Variants in TMEM132D observed in about 807,000 individuals in gnomAD.
TMEM132D encodes the protein transmembrane protein 132D, also known as mature OL transmembrane protein.
In TMEM132D, 21 loss-of-function variants were observed where a neutral mutation model predicts 62.3. The observed-to-expected ratio is 0.34, with a 90% CI of 0.24 to 0.49. The LOEUF (loss-of-function observed/expected upper bound fraction) is 0.49. Among genes scored for constraint, TMEM132D ranks in the 20% least tolerant of loss-of-function variants. The probability of loss-of-function intolerance (pLI) is 0.99; values close to 1 mark genes in which losing one functional copy is unlikely to be tolerated. For missense variants in TMEM132D, 1,346 were observed against 1,402.8 expected, an observed-to-expected ratio of 0.96 and a Z score of 0.65; for synonymous variants, 621 against 575.6, an observed-to-expected ratio of 1.08 and a Z score of -1.13.
intron 2 of TMEM132D, among the ~76,000 whole-genome samples, chr12:129,598,598 T>C (rs965666084): frequency 6.6e-6 from 1 of 152,090 alleles, no homozygotes; most frequent in African/African-American, 2.4e-5. Context: ...AGAAACACTA[T>C]AGAACCTAAT....
chr12:129,523,490 G>A (rs959460094), intron 3 of TMEM132D, among the ~76,000 whole-genome samples: 6 of 152,128 alleles, frequency 3.9e-5, no homozygotes. Context: ...AGAAGCAGTC[G>A]GTATTTTAGT....
chr12:129,889,419 T>C (rs747503010), intron 1 of TMEM132D, among the ~76,000 whole-genome samples: 7 of 152,180 alleles, frequency 4.6e-5, no homozygotes, highest in Non-Finnish European at 8.8e-5. Flanking sequence ...CCAGTTGTGC[T>C]GACCTGGACT....
chr12:129,463,277 C>G (rs906066775), intron 3 of TMEM132D, among the ~76,000 whole-genome samples: 21 of 151,756 alleles, frequency 1.4e-4, no homozygotes, highest in Non-Finnish European at 2.8e-4. Context: ...TTTTTTTGAG[C>G]ATTCATGAGT....
At chr12:129,334,447 TC>T (rs1245993539) in intron 4 of TMEM132D, among the ~76,000 whole-genome samples, 1 of 152,110 alleles carries the variant, frequency 6.6e-6, no homozygotes, top group Non-Finnish European at 1.5e-5. Flanking sequence ...ATGACAACAC[TC>T]TTTTACCAAC....
chr12:129,429,763 T>G (rs2135715453), intron 3 of TMEM132D, among the ~76,000 whole-genome samples: 1 of 122,954 alleles, frequency 8.1e-6, no homozygotes, highest in African/African-American at 3.1e-5. Context: ...GGCCCCGGTG[T>G]GTGATGTTCC....
intron 4 of TMEM132D, among the ~76,000 whole-genome samples, chr12:129,330,719 C>A (rs924597764): frequency 2.0e-5 from 3 of 152,218 alleles, no homozygotes; most frequent in African/African-American, 7.2e-5. Flanking sequence ...TCTTCACCAC[C>A]TGTGGCCTCT....
chr12:129,881,894 A>G (rs1051824351), intron 1 of TMEM132D, among the ~76,000 whole-genome samples: 3 of 152,024 alleles, frequency 2.0e-5, no homozygotes, highest in Non-Finnish European at 4.4e-5. Context: ...ACTGACTGAG[A>G]AAAAAAGAGT....
chr12:129,132,307 ATGG>A (rs1313242941), intron 5 of TMEM132D, among the ~76,000 whole-genome samples: 1 of 152,198 alleles, frequency 6.6e-6, no homozygotes, highest in East Asian at 1.9e-4. Flanking sequence ...AAACAAGAAT[ATGG>A]TCCTTAGGCC....
At chr12:129,419,616 A>G (rs1451355398) in intron 3 of TMEM132D, among the ~76,000 whole-genome samples, 2 of 152,196 alleles carry the variant, frequency 1.3e-5, no homozygotes, top group African/African-American at 4.8e-5. Flanking sequence ...TCAGTTGCAT[A>G]AGCTAATAAT....
At chr12:129,759,607 T>C (rs1870285909) in intron 1 of TMEM132D, among the ~76,000 whole-genome samples, 1 of 152,200 alleles carries the variant, frequency 6.6e-6, no homozygotes, top group Non-Finnish European at 1.5e-5. Context: ...AAAGTCCCAG[T>C]GCCAGTGCCA....
chr12:129,205,998 C>T (rs1320126337), intron 5 of TMEM132D, among the ~76,000 whole-genome samples: 1 of 152,106 alleles, frequency 6.6e-6, no homozygotes, highest in African/African-American at 2.4e-5. Context: ...ACTATAGAAA[C>T]CCTGGAAGAT....
At chr12:129,323,015 C>T (rs777150719) in intron 4 of TMEM132D, among the ~76,000 whole-genome samples, 5 of 152,110 alleles carry the variant, frequency 3.3e-5, no homozygotes, top group South Asian at 2.1e-4. Flanking sequence ...AATAGATCTG[C>T]GTGGAACCAT....
intron 5 of TMEM132D, among the ~76,000 whole-genome samples, chr12:129,188,761 GGGAGAGA>G (rs1565991789): frequency 6.3e-5 from 4 of 63,856 alleles, no homozygotes; most frequent in East Asian, 1.1e-3. Flanking sequence ...GAGGGAGAGA[GGGAGAGA>G]GAGAGAGAGA....
chr12:129,150,461 T>C (rs979970548), intron 5 of TMEM132D, among the ~76,000 whole-genome samples: 2 of 152,248 alleles, frequency 1.3e-5, no homozygotes. Context: ...GTTATAATGA[T>C]TTATGGTTTA....
At chr12:129,843,775 C>G (rs1873272319) in intron 1 of TMEM132D, among the ~76,000 whole-genome samples, 1 of 152,102 alleles carries the variant, frequency 6.6e-6, no homozygotes, top group African/African-American at 2.4e-5. Context: ...ATCTAACTGA[C>G]CTCTCCCTGA....
At position 129,128,628 on chromosome 12, in the gene TMEM132D, G is replaced by A. The variant is rs772531555; in HGVS notation, c.1444-43926C>T. Reference sequence around the variant, plus strand: ...GGACACAGAGGCAAACCATACCAACGGGATACATGTGCTTGTTTGTTACAT... The same window carrying A: ...GGACACAGAGGCAAACCATACCAACAGGATACATGTGCTTGTTTGTTACAT... On this transcript the variant is annotated intron_variant, in intron 5 of 8. Transcript: ENST00000422113. Among the ~76,000 whole-genome samples, 3 of 152,106 alleles carry A rather than the reference G, an allele frequency of 2.0e-5. No individual in the cohort carries two copies. The East Asian group carries it at 5.8e-4, about 29-fold the overall frequency.
chr12:129,625,936 A>G (rs915777421), intron 2 of TMEM132D, among the ~76,000 whole-genome samples: 14 of 152,224 alleles, frequency 9.2e-5, no homozygotes, highest in Non-Finnish European at 2.1e-4. Context: ...CGTCACGTGT[A>G]TGACTCTTCT....
At position 129,492,318 on chromosome 12, in the gene TMEM132D, T is replaced by C. The variant is rs537924644; in HGVS notation, c.1115+38741A>G. ...CTCACAGAGTTTCCTGAAAAGCAAT[T>C]AATTTTTATTTTAAGAAAACATGAG... On this transcript the variant is annotated intron_variant, in intron 3 of 8. Transcript: ENST00000422113. Among the ~76,000 whole-genome samples, 9 of 152,324 alleles carry C rather than the reference T, an allele frequency of 5.9e-5. No individual in the cohort carries two copies. In the South Asian group the frequency reaches 1.9e-3, roughly 32 times the overall value.
chr12:129,755,931 A>G (rs977088330), intron 1 of TMEM132D, among the ~76,000 whole-genome samples: 2 of 152,230 alleles, frequency 1.3e-5, no homozygotes, highest in Non-Finnish European at 2.9e-5. Context: ...TTGAGCTCAC[A>G]TAGAACCCAA....
Sources: gnomAD v4.1 joint callset for allele counts (sites outside exome capture counted in the v4.1 genomes callset) on GRCh38, gnomAD v4.1.1 for gene constraint, MANE v1.5 for transcripts, NCBI Gene and HGNC (gene_info 2026-07-23, HGNC 2026-07-21) for gene names.